USP6NL: variants seen among roughly 807,000 people sequenced by gnomAD.
USP6NL encodes the protein USP6 N-terminal-like protein.
In USP6NL, 26 loss-of-function variants were observed where a neutral mutation model predicts 61.9. The ratio of observed to expected loss-of-function variants is 0.42; its 90% CI spans 0.31 to 0.58. The LOEUF is 0.58. Ranked by LOEUF, USP6NL falls within the 20% of genes least tolerant of loss-of-function variation. USP6NL has a pLI of 0.16. For synonymous variants in USP6NL, 432 were observed against 390.1 expected, an observed-to-expected ratio of 1.11 and a Z score of -1.27; for missense variants, 1,114 against 1,034.3, an observed-to-expected ratio of 1.08 and a Z score of -1.06.
rs149028555 is a variant in USP6NL, at chr10:11,574,843, G to A, written c.4+22788C>T. The stretch of plus-strand genomic sequence containing the variant: ...CAACTGAGCACAGTGAATCAACCAA[G>A]GTTACAAGTAAACCGATCCAAAAAT... On this transcript the variant is annotated intron_variant, in intron 2 of 14. Coordinates refer to ENST00000609104, the MANE Select transcript of USP6NL (RefSeq NM_014688.5). The surrounding 1 kb of genome is among the most constrained non-coding windows in gnomAD (Gnocchi z 4.3). Among the ~76,000 whole-genome samples the A allele has an allele frequency of 9.0e-3, 1,370 of 152,248 alleles. 14 individuals are homozygous for A. Among genetic ancestry groups the A allele is most frequent in the African/African-American group, 0.031 (1,282 of 41,540 alleles).
At chr10:11,516,711 A>G (rs1029390680) in intron 5 of USP6NL, among the ~76,000 whole-genome samples, 9 of 152,226 alleles carry the variant, frequency 5.9e-5, no homozygotes, top group Non-Finnish European at 1.2e-4. Context: ...ATATAAAGTT[A>G]TATCTTATTT....
chr10:11,481,813 A>G lies in USP6NL; in HGVS notation c.1035T>C (p.Ser345=), dbSNP rs1833210991. 1 of 1,613,434 alleles carries G rather than the reference A, an allele frequency of 6.2e-7. No homozygotes were observed. The part of the protein sequence containing the change: ...DDFVIEQLQI[S]MTELKRAKLD... The stretch of plus-strand genomic sequence containing the variant: ...ACTTTGCCCGCTTTAGTTCTGTCAT[A>G]GAAATCTGAAGTTGCTCTATCACAA... Residue 345 remains serine, a synonymous_variant, in exon 14 of 15, where the codon TCT becomes TCC. Coordinates refer to ENST00000609104, the MANE Select transcript of USP6NL (RefSeq NM_014688.5). The surrounding 1 kb of genome is among the most constrained non-coding windows in gnomAD (Gnocchi z 4.4).
intron 2 of USP6NL, among the ~76,000 whole-genome samples, chr10:11,565,867 C>T (rs898581154): frequency 1.5e-4 from 23 of 152,210 alleles, no homozygotes; most frequent in African/African-American, 5.3e-4. Flanking sequence ...CTTCAGATTA[C>T]TTGAACAAAC....
At chr10:11,538,481 TC>T (rs1409508706) in intron 2 of USP6NL, among the ~76,000 whole-genome samples, 1 of 152,222 alleles carries the variant, frequency 6.6e-6, no homozygotes, top group Non-Finnish European at 1.5e-5. Flanking sequence ...CTGGTATCTA[TC>T]AGTGCCTAAC....
At chr10:11,580,678 A>C (rs2133603586) in intron 2 of USP6NL, among the ~76,000 whole-genome samples, 1 of 152,308 alleles carries the variant, frequency 6.6e-6, no homozygotes, top group Admixed American at 6.5e-5. Flanking sequence ...GGGCACCACA[A>C]AGTTTAAAAG....
intron 6 of USP6NL, among the ~76,000 whole-genome samples, chr10:11,501,895 A>G (rs942050643): frequency 2.6e-5 from 4 of 152,146 alleles, no homozygotes; most frequent in Admixed American, 1.3e-4. Flanking sequence ...ATGCTATCTG[A>G]TAAGACAAAA....
rs549599323 is a variant in USP6NL, at chr10:11,597,962, T to C, written c.-83-245A>G. Reference sequence around the variant, plus strand: ...TGATATGTAGTAAGTAATCACCACATAGAAACTTACTAACAGGTGTCCTTC... The same window carrying C: ...TGATATGTAGTAAGTAATCACCACACAGAAACTTACTAACAGGTGTCCTTC... On this transcript the variant is annotated intron_variant, in intron 1 of 14. Transcript: ENST00000609104. This position sits in a 1 kb window ranked among gnomAD's most constrained non-coding sequence, Gnocchi z 4.6. Among the ~76,000 whole-genome samples the C allele has an allele frequency of 1.7e-4, 26 of 152,314 alleles. No individual in the cohort carries two copies. The highest frequency in any genetic ancestry group is 4.1e-4 in the African/African-American group (17 of 41,576).
chr10:11,489,125 G>A lies in USP6NL; in HGVS notation c.641C>T (p.Ser214Leu). ...ACCATGCATGGCATGTTTAGGGCCTGAGAAGAGTTTGACCAGGGCCCAGAA... is the reference window on the plus strand; with the variant it reads ...ACCATGCATGGCATGTTTAGGGCCTAAGAAGAGTTTGACCAGGGCCCAGAA... ...DAFWALVKLF[S>L]GPKHAMHGFF... The change falls in exon 10 of 15, where the codon TCA becomes TTA. Residue 214 changes from serine (S) to leucine (L), a missense_variant. Physicochemically the swap from Ser to Leu is moderately radical, Grantham distance 145. Transcript: ENST00000609104. This position sits in a 1 kb window ranked among gnomAD's most constrained non-coding sequence, Gnocchi z 5.7. 3.1e-6 allele frequency: 5 copies of A among 1,613,940 alleles called. No individual in the cohort carries two copies. The highest frequency in any genetic ancestry group is 1.1e-5 in the South Asian group (1 of 91,074).
intron 4 of USP6NL, among the ~76,000 whole-genome samples, chr10:11,519,715 G>T (rs1566153488): frequency 6.6e-6 from 1 of 152,092 alleles, no homozygotes; most frequent in Non-Finnish European, 1.5e-5. Flanking sequence ...TACACTAAAA[G>T]ATCAAGTTCA....
intron 6 of USP6NL, among the ~76,000 whole-genome samples, chr10:11,505,484 A>G (rs1489852585): frequency 6.6e-6 from 1 of 152,338 alleles, no homozygotes; most frequent in Middle Eastern, 3.4e-3. Context: ...ATTCAGTCTG[A>G]GTCTGACTTC....
At chr10:11,569,882 C>A (rs908502594) in intron 2 of USP6NL, among the ~76,000 whole-genome samples, 2 of 152,180 alleles carry the variant, frequency 1.3e-5, no homozygotes, top group Non-Finnish European at 2.9e-5. Flanking sequence ...CCCTATCACC[C>A]TAAGAGAATT....
intron 2 of USP6NL, among the ~76,000 whole-genome samples, chr10:11,541,864 T>C (rs146810745): frequency 1.2e-3 from 189 of 152,320 alleles, no homozygotes; most frequent in African/African-American, 4.4e-3. Context: ...CAGATGACAC[T>C]GACACTATAA....
In USP6NL at chr10:11,468,777, TAAAGACTGA is replaced by T. The variant is rs1175132679; in HGVS notation, c.1079-4937_1079-4929del. Reference sequence around the variant, plus strand: ...TAGCCACAGAGGAGGCACATATCAGTAAAGACTGAGCTGGACACATAGTAAAATGTAGAA... The same window carrying T: ...TAGCCACAGAGGAGGCACATATCAGTGCTGGACACATAGTAAAATGTAGAA... On this transcript the variant is annotated intron_variant, in intron 14 of 14. Coordinates refer to ENST00000609104, the MANE Select transcript of USP6NL (RefSeq NM_014688.5). The surrounding 1 kb of genome is among the most constrained non-coding windows in gnomAD (Gnocchi z 4.5). Among the ~76,000 whole-genome samples, 1 of 152,202 alleles carries T rather than the reference TAAAGACTGA, an allele frequency of 6.6e-6. No individual in the cohort carries two copies. Among genetic ancestry groups the T allele is most frequent in the Non-Finnish European group, 1.5e-5 (1 of 68,032 alleles).
chr10:11,536,169 T>C (rs992551895), intron 2 of USP6NL, among the ~76,000 whole-genome samples: 3 of 152,230 alleles, frequency 2.0e-5, no homozygotes, highest in African/African-American at 7.2e-5. Flanking sequence ...TAAAACATCT[T>C]GTTCTGAAAT....
intron 14 of USP6NL, among the ~76,000 whole-genome samples, chr10:11,479,337 C>T (rs1833094077): frequency 6.6e-6 from 1 of 152,032 alleles, no homozygotes; most frequent in Non-Finnish European, 1.5e-5. Flanking sequence ...GGGAAGTTCA[C>T]AGAAAAAGAA....
rs1591869344 is a variant in USP6NL at position 11,513,262 on chromosome 10, C to T, written c.196-3587G>A. 6.6e-6 allele frequency among the ~76,000 whole-genome samples: 1 copy of T among 152,196 alleles called. No individual in the cohort carries two copies. Among genetic ancestry groups the T allele is most frequent in the South Asian group, 2.1e-4 (1 of 4,828 alleles). On this transcript the variant is annotated intron_variant, in intron 5 of 14. Transcript: ENST00000609104. The surrounding 1 kb of genome is among the most constrained non-coding windows in gnomAD (Gnocchi z 4.7). ...ATAGACTGAAACCAGAATGTTATTT[C>T]TGATAGCAATGTGATCACTGTAATA...
intron 2 of USP6NL, among the ~76,000 whole-genome samples, chr10:11,556,795 G>C (rs1433995155): frequency 6.6e-6 from 1 of 152,084 alleles, no homozygotes; most frequent in Non-Finnish European, 1.5e-5. Context: ...AGAAAAAGTA[G>C]ACAAGTTTAC....
intron 2 of USP6NL, among the ~76,000 whole-genome samples, chr10:11,560,631 T>G (rs1458379414): frequency 6.8e-6 from 1 of 147,096 alleles, no homozygotes; most frequent in Non-Finnish European, 1.5e-5. Flanking sequence ...CTTCACTGAC[T>G]CAAGTAACTA....
chr10:11,479,639 G>A (rs375832592), intron 14 of USP6NL, among the ~76,000 whole-genome samples: 5 of 149,724 alleles, frequency 3.3e-5, no homozygotes, highest in Middle Eastern at 3.4e-3. Context: ...GCAGTGACGC[G>A]ATCTCAGCTC....
Sources: gnomAD v4.1 joint callset for allele counts (sites outside exome capture counted in the v4.1 genomes callset) on GRCh38, gnomAD v4.1.1 for gene constraint, Gnocchi (gnomAD v3.1) non-coding constraint, MANE v1.5 for transcripts, NCBI Gene and HGNC (gene_info 2026-07-23, HGNC 2026-07-21) for gene names.